Variants in FSTL4 observed in about 807,000 individuals in gnomAD.
FSTL4 encodes follistatin like 4.
Under a neutral mutation model 78.2 loss-of-function variants are expected in FSTL4, and 28 were observed. The observed-to-expected ratio is 0.36, with a 90% CI of 0.27 to 0.49. The LOEUF (loss-of-function observed/expected upper bound fraction) is 0.49, where lower values mean the gene tolerates loss of function less well. Among genes scored for constraint, FSTL4 ranks in the 20% least tolerant of loss-of-function variants. The pLI, the probability that FSTL4 is intolerant of heterozygous loss-of-function variation, is 0.98. For missense variants in FSTL4, 922 were observed against 1,084.9 expected, an observed-to-expected ratio of 0.85 and a Z score of 2.11; for synonymous variants, 422 against 440.5, an observed-to-expected ratio of 0.96 and a Z score of 0.53.
the FSTL4 span, among the ~76,000 whole-genome samples, chr5:133,805,086 CAG>C: frequency 6.6e-6 from 1 of 151,944 alleles, no homozygotes; most frequent in African/African-American, 2.4e-5. Context: ...TTGCCCCTCC[CAG>C]AATCCCTCTC....
the FSTL4 span, among the ~76,000 whole-genome samples, chr5:133,654,532 G>A: frequency 6.6e-6 from 1 of 152,190 alleles, no homozygotes; most frequent in Non-Finnish European, 1.5e-5. Flanking sequence ...TGGGCCACAA[G>A]TGCTCATTGC....
chr5:133,725,053 T>C, the FSTL4 span, among the ~76,000 whole-genome samples: 2 of 152,234 alleles, frequency 1.3e-5, no homozygotes, highest in Admixed American at 1.3e-4. Context: ...CTGGACCCTA[T>C]TCCATTTCAT....
At chr5:133,335,446 C>T (rs1035460485) in intron 4 of FSTL4, among the ~76,000 whole-genome samples, 2 of 152,042 alleles carry the variant, frequency 1.3e-5, no homozygotes, top group African/African-American at 2.4e-5. Flanking sequence ...GGTCTCCTGC[C>T]CAGGAGGAAT....
chr5:133,785,039 G>C, the FSTL4 span, among the ~76,000 whole-genome samples: 4 of 152,160 alleles, frequency 2.6e-5, no homozygotes, highest in East Asian at 7.7e-4. Flanking sequence ...AGCCCACAGG[G>C]ACACATTCCT....
chr5:133,350,728 T>A (rs1306904032), intron 4 of FSTL4, among the ~76,000 whole-genome samples: 1 of 152,208 alleles, frequency 6.6e-6, no homozygotes, highest in East Asian at 1.9e-4. Context: ...TCTCAGTTCA[T>A]CATTCTGCCA....
intron 3 of FSTL4, among the ~76,000 whole-genome samples, chr5:133,464,918 T>C (rs1757673098): frequency 1.3e-5 from 2 of 152,182 alleles, no homozygotes; most frequent in African/African-American, 2.4e-5. Flanking sequence ...ACATCTATAA[T>C]ACATCCCCAA....
chr5:133,501,276 A>T lies in FSTL4; in HGVS notation c.160+65910T>A, dbSNP rs564362030. On this transcript the variant is annotated intron_variant, in intron 3 of 15. Transcript: ENST00000265342. ...TATGCCTTACAATTTTAAGAAAAAAAAAAAATAAAAAGCAAAAGCAAACTT... is the reference window on the plus strand; with the variant it reads ...TATGCCTTACAATTTTAAGAAAAAATAAAAATAAAAAGCAAAAGCAAACTT... 6.2e-4 allele frequency among the ~76,000 whole-genome samples: 94 copies of T among 152,308 alleles called. 1 individual carries two copies. Among genetic ancestry groups the T allele is most frequent in the East Asian group, 5.8e-4 (3 of 5,192 alleles).
chr5:133,664,394 C>G, the FSTL4 span, among the ~76,000 whole-genome samples: 2,058 of 152,234 alleles, frequency 0.014, 27 homozygotes, highest in Non-Finnish European at 0.017. Context: ...ACGAATCTCA[C>G]CCCACCACAG....
intron 3 of FSTL4, among the ~76,000 whole-genome samples, chr5:133,525,833 C>T (rs1223771502): frequency 6.6e-6 from 1 of 152,178 alleles, no homozygotes; most frequent in African/African-American, 2.4e-5. Flanking sequence ...ATCTGGACTT[C>T]TAGACTGACT....
At chr5:133,527,721 T>A (rs1286615071) in intron 3 of FSTL4, among the ~76,000 whole-genome samples, 1 of 152,322 alleles carries the variant, frequency 6.6e-6, no homozygotes, top group East Asian at 1.9e-4. Flanking sequence ...TTTGGAAACA[T>A]GAAGGTGAAG....
At chr5:133,282,870 C>G (rs1753040804) in intron 6 of FSTL4, among the ~76,000 whole-genome samples, 1 of 152,236 alleles carries the variant, frequency 6.6e-6, no homozygotes, top group Admixed American at 6.5e-5. Context: ...GCAGAAGCCC[C>G]TTTCCCAGGA....
intron 3 of FSTL4, among the ~76,000 whole-genome samples, chr5:133,521,045 T>A (rs1758969633): frequency 9.9e-6 from 1 of 101,158 alleles, no homozygotes; most frequent in South Asian, 2.5e-4. Flanking sequence ...CTTAAAGAAA[T>A]TTTTTTTTCA....
In FSTL4 at chr5:133,210,197, A is replaced by G; in HGVS notation, c.1710T>C (p.Ser570=). ...CTCCATGTGCTCAACATACCTGGAG[A>G]CTTGGTCGGGACTTGTGCACGTCCC... ...SWGDVHKSRP[S]LQVITEASTG... is the part of the protein sequence containing the mutation. Residue 570 remains serine (S), a synonymous_variant, in exon 14 of 16, where the codon AGT becomes AGC. Coordinates refer to ENST00000265342, the MANE Select transcript of FSTL4 (RefSeq NM_015082.2). 1 of 1,573,446 alleles carries G rather than the reference A, an allele frequency of 6.4e-7. No homozygotes were observed. The highest frequency in any genetic ancestry group is 8.7e-7 in the Non-Finnish European group (1 of 1,142,986).
the FSTL4 span, among the ~76,000 whole-genome samples, chr5:133,768,889 A>C: frequency 3.8e-4 from 58 of 152,348 alleles, 1 homozygote; most frequent in African/African-American, 1.3e-3. Flanking sequence ...CAAGAAAGAC[A>C]ACTATTGTTT....
chr5:133,400,447 GTA>G (rs1323622213), intron 4 of FSTL4, among the ~76,000 whole-genome samples: 1 of 152,224 alleles, frequency 6.6e-6, no homozygotes, highest in Non-Finnish European at 1.5e-5. Flanking sequence ...GGAGACCTGG[GTA>G]GTGCCCTGTT....
the FSTL4 span, among the ~76,000 whole-genome samples, chr5:133,767,750 C>T: frequency 1.3e-5 from 2 of 152,308 alleles, no homozygotes; most frequent in South Asian, 2.1e-4. Flanking sequence ...GCCTGGATGC[C>T]ATCAATAATG....
chr5:133,766,384 G>T, the FSTL4 span, among the ~76,000 whole-genome samples: 1 of 152,182 alleles, frequency 6.6e-6, no homozygotes, highest in East Asian at 1.9e-4. Context: ...CTATCTGACC[G>T]TTTACAGAAA....
At chr5:133,551,639 A>C (rs1759692788) in intron 3 of FSTL4, among the ~76,000 whole-genome samples, 1 of 152,228 alleles carries the variant, frequency 6.6e-6, no homozygotes, top group Admixed American at 6.5e-5. Flanking sequence ...TTTTTATAAA[A>C]TCGTGTGATT....
chr5:133,316,437 T>A, intron 5 of FSTL4, 22 bp downstream of exon 5: 2 of 1,599,084 alleles, frequency 1.3e-6, no homozygotes, highest in Non-Finnish European at 1.7e-6. Flanking sequence ...ATCATGTGAC[T>A]TTCACTGAAC....
Sources: allele counts gnomAD v4.1 joint callset (sites outside exome capture counted in the v4.1 genomes callset), GRCh38; gene constraint gnomAD v4.1.1; transcripts MANE v1.5; gene names NCBI Gene and HGNC (gene_info 2026-07-23, HGNC 2026-07-21).